Variants in FHOD3 observed in about 807,000 individuals in gnomAD.
The protein encoded by FHOD3 is formin homology 2 domain containing 3.
A neutral mutation model predicts 173.0 loss-of-function variants in FHOD3; 90 were observed. The ratio of observed to expected loss-of-function variants is 0.52; its 90% CI spans 0.44 to 0.62. The LOEUF is 0.62. Ranked by LOEUF, FHOD3 falls within the 20% of genes least tolerant of loss-of-function variation. The probability of loss-of-function intolerance (pLI) is 0.00; values close to 1 mark genes in which losing one functional copy is unlikely to be tolerated. For synonymous variants in FHOD3, 828 were observed against 823.0 expected (o/e 1.01, Z -0.10); for missense variants, 1,945 against 2,034.7 (o/e 0.96, Z 0.85).
intron 5 of FHOD3, among the ~76,000 whole-genome samples, chr18:36,543,686 T>A (rs2057310347): frequency 6.6e-6 from 1 of 152,212 alleles, no homozygotes; most frequent in South Asian, 2.1e-4. Context: ...AAGCCCCGCG[T>A]ACTGGCCTCA....
intron 16 of FHOD3, among the ~76,000 whole-genome samples, chr18:36,691,946 C>A (rs188820351): frequency 6.6e-6 from 1 of 152,176 alleles, no homozygotes; most frequent in Non-Finnish European, 1.5e-5. Context: ...CTAAATATGC[C>A]AGGCAGTAAA....
chr18:36,361,475 T>C (rs2051273), intron 2 of FHOD3, among the ~76,000 whole-genome samples: 36,525 of 151,766 alleles, frequency 0.24, 4,573 homozygotes, highest in Admixed American at 0.33. Context: ...TACTTGAGGT[T>C]AGGAGTTCGC....
At chr18:36,299,957 G>C (rs766628191) in intron 1 of FHOD3, among the ~76,000 whole-genome samples, 1 of 152,116 alleles carries the variant, frequency 6.6e-6, no homozygotes. Flanking sequence ...TATGTGCCTG[G>C]GTATACATTC....
chr18:36,401,814 C>T lies in FHOD3; in HGVS notation c.337+29070C>T, dbSNP rs981990645. On this transcript the variant is annotated intron_variant, in intron 3 of 28. Transcript: ENST00000590592. ...CACACGGTATGTAGCACAGAGTGGC[C>T]GTCATTACTGGCTAAGCAGACCTGA... is the stretch of plus-strand genomic sequence containing the variant. Among the ~76,000 whole-genome samples, 5 of 152,254 alleles carry T rather than the reference C, an allele frequency of 3.3e-5. No individual in the cohort carries two copies. In the East Asian group the frequency reaches 7.7e-4, roughly 24 times the overall value.
At chr18:36,734,531 A>C (rs2041537585) in intron 20 of FHOD3, among the ~76,000 whole-genome samples, 1 of 151,528 alleles carries the variant, frequency 6.6e-6, no homozygotes, top group African/African-American at 2.4e-5. Context: ...AGCTGTGAAG[A>C]CTCCAGTCGA....
At chr18:36,683,317 G>A (rs1016593387) in intron 15 of FHOD3, among the ~76,000 whole-genome samples, 2 of 152,208 alleles carry the variant, frequency 1.3e-5, no homozygotes, top group African/African-American at 4.8e-5. Context: ...AAAATTCAGA[G>A]ATTAGCTTAC....
At chr18:36,410,091 A>C (rs2049278079) in intron 3 of FHOD3, among the ~76,000 whole-genome samples, 1 of 152,166 alleles carries the variant, frequency 6.6e-6, no homozygotes. Flanking sequence ...GAGTTATGCA[A>C]CCATCACTAC....
At chr18:36,378,223 C>T (rs984295822) in intron 3 of FHOD3, among the ~76,000 whole-genome samples, 1 of 152,074 alleles carries the variant, frequency 6.6e-6, no homozygotes, top group Non-Finnish European at 1.5e-5. Context: ...CTGAGTCTCC[C>T]CTTGCAGCAG....
chr18:36,609,362 A>C (rs78378305), intron 8 of FHOD3, among the ~76,000 whole-genome samples: 1 of 74 alleles, frequency 0.014, no homozygotes, highest in African/African-American at 0.029. Context: ...GAATCAGCCA[A>C]AAAAAAAAAA....
chr18:36,600,167 C>G (rs1313888217), intron 7 of FHOD3, among the ~76,000 whole-genome samples: 5 of 151,792 alleles, frequency 3.3e-5, no homozygotes, highest in African/African-American at 1.2e-4. Context: ...CATCCCACTC[C>G]TTTGGGATCC....
chr18:36,380,552 G>GTTTTCTTTTC (rs751185984), intron 3 of FHOD3, among the ~76,000 whole-genome samples: 6 of 79,454 alleles, frequency 7.6e-5, no homozygotes, highest in African/African-American at 2.6e-4. Context: ...TCTTTCTTTT[G>GTTTTCTTTTC]TTTTCTTTTC....
intron 14 of FHOD3, among the ~76,000 whole-genome samples, chr18:36,667,712 T>C (rs1479051285): frequency 6.6e-6 from 1 of 152,188 alleles, no homozygotes; most frequent in East Asian, 1.9e-4. Context: ...TGAACATTAC[T>C]GTTCATGCCT....
intron 2 of FHOD3, among the ~76,000 whole-genome samples, chr18:36,364,433 A>G (rs2046788721): frequency 6.6e-6 from 1 of 152,178 alleles, no homozygotes; most frequent in Non-Finnish European, 1.5e-5. Flanking sequence ...GCTTTCACTC[A>G]TATGATTTTG....
intron 28 of FHOD3, chr18:36,779,207 G>C: frequency 1.8e-6 from 1 of 551,408 alleles, no homozygotes; most frequent in South Asian, 2.5e-5. Flanking sequence ...ACTCCTCTCG[G>C]CCCTCCAAAT....
At chr18:36,431,723 G>A (rs1315178813) in intron 3 of FHOD3, among the ~76,000 whole-genome samples, 1 of 152,136 alleles carries the variant, frequency 6.6e-6, no homozygotes, top group Non-Finnish European at 1.5e-5. Context: ...CTATAATTTG[G>A]GTTATGTAAT....
chr18:36,731,194 C>T (rs538425837), intron 20 of FHOD3, among the ~76,000 whole-genome samples: 1 of 152,342 alleles, frequency 6.6e-6, no homozygotes, highest in African/African-American at 2.4e-5. Context: ...AGAACTTTCT[C>T]TCTTGGCATT....
Position 36,707,415 on chromosome 18 carries a change from T to G in FHOD3, c.2237-1680T>G, listed in dbSNP as rs79478979. Among the ~76,000 whole-genome samples the G allele has an allele frequency of 0.01, 1,580 of 152,344 alleles. 54 individuals carry two copies. In the East Asian group the frequency reaches 0.13, roughly 12 times the overall value. ...ACTCCTCCACCCCCAAATTCCTACCTGGCACTTGGGGACATTTCCACGGAG... is the reference window on the plus strand; with the variant it reads ...ACTCCTCCACCCCCAAATTCCTACCGGGCACTTGGGGACATTTCCACGGAG... On this transcript the variant is annotated intron_variant, in intron 17 of 28. Transcript: ENST00000590592.
rs891992632 is a variant in FHOD3, at chr18:36,603,436, G to T, written c.813+668G>T. ...GGTCTTTTCTAGTAAATCCAGGAAA[G>T]TGACAGTGAGAATTTTATGACTGCT... is the stretch of plus-strand genomic sequence containing the variant. On this transcript the variant is annotated intron_variant, in intron 8 of 28. Coordinates refer to ENST00000590592, the MANE Select transcript of FHOD3 (RefSeq NM_001281740.3). Among the ~76,000 whole-genome samples, 9 of 152,040 alleles carry T rather than the reference G, an allele frequency of 5.9e-5. No individual in the cohort carries two copies. In the South Asian group the frequency reaches 1.7e-3, roughly 28 times the overall value.
intron 10 of FHOD3, among the ~76,000 whole-genome samples, chr18:36,630,517 G>A (rs1010568656): frequency 2.0e-5 from 3 of 152,014 alleles, no homozygotes; most frequent in African/African-American, 7.2e-5. Context: ...AATTCTAATC[G>A]GCTTCATACA....
Sources: gnomAD v4.1 joint callset for allele counts (sites outside exome capture counted in the v4.1 genomes callset) on GRCh38, gnomAD v4.1.1 for gene constraint, MANE v1.5 for transcripts, NCBI Gene and HGNC (gene_info 2026-07-23, HGNC 2026-07-21) for gene names.